COP1: variants seen among roughly 807,000 people sequenced by gnomAD.
The protein encoded by COP1 is E3 ubiquitin-protein ligase COP1.
COP1 carries 24 observed loss-of-function variants against 101.3 expected under a neutral mutation model. The ratio of observed to expected loss-of-function variants is 0.24; its 90% CI spans 0.17 to 0.33. The LOEUF (loss-of-function observed/expected upper bound fraction) is 0.33, where lower values mean the gene tolerates loss of function less well. Ranked by LOEUF, COP1 falls within the 10% of genes least tolerant of loss-of-function variation. COP1 has a pLI of 1.00. For synonymous variants in COP1, 347 were observed against 341.9 expected (o/e 1.01, Z -0.17); for missense variants, 663 against 906.2 (o/e 0.73, Z 3.45).
rs140271044 is a variant in COP1 at position 176,175,580 on chromosome 1, C to T, written c.565+330G>A. Among the ~76,000 whole-genome samples the T allele has an allele frequency of 3.4e-3, 514 of 152,312 alleles. 6 individuals are homozygous for T. The highest frequency in any genetic ancestry group is 0.029 in the Admixed American group (437 of 15,306). On this transcript the variant is annotated intron_variant, in intron 3 of 19. Transcript: ENST00000367669. ...GATCTGACAGGAGACAGAGCACAGG[C>T]AGTAGTGCTCGCTCACCTGCCAGCC...
Position 175,945,055 on chromosome 1 carries a change from G to A in COP1, c.*98C>T. ...CAAATCCAAAACCCATGATGACTTT[G>A]GGGAGAGACATCACATGACATTTTC... On this transcript the variant is annotated 3_prime_UTR_variant, in exon 20 of 20. Coordinates refer to ENST00000367669, the MANE Select transcript of COP1 (RefSeq NM_022457.7). 1.1e-6 allele frequency: 1 copy of A among 929,884 alleles called. No individual in the cohort carries two copies. The highest frequency in any genetic ancestry group is 2.2e-5 in the Admixed American group (1 of 45,262). 57.6% of individuals were successfully genotyped at this position (929,884 alleles called of 1,614,324 possible). A position where few individuals can be genotyped will look rare whatever the true frequency, so the allele number is the denominator to read the frequency against.
intron 11 of COP1, among the ~76,000 whole-genome samples, chr1:176,054,735 C>A (rs1334529651): frequency 2.0e-5 from 3 of 152,110 alleles, no homozygotes; most frequent in Admixed American, 2.0e-4. Flanking sequence ...TTCCATCTAT[C>A]CTGGATCTTT....
At chr1:176,134,020 A>G in intron 8 of COP1, 1 of 372,950 alleles carries the variant, frequency 2.7e-6, no homozygotes, top group Admixed American at 3.4e-5. Context: ...CGAACTCACA[A>G]GGATTCTCCA....
chr1:175,956,354 T>C (rs1187354818), intron 18 of COP1, among the ~76,000 whole-genome samples: 1 of 152,096 alleles, frequency 6.6e-6, no homozygotes, highest in Non-Finnish European at 1.5e-5. Context: ...CCTTCTATCA[T>C]ACCATTCCCA....
At chr1:176,006,143 C>T (rs1241642252) in intron 15 of COP1, among the ~76,000 whole-genome samples, 3 of 152,122 alleles carry the variant, frequency 2.0e-5, no homozygotes, top group African/African-American at 7.2e-5. Flanking sequence ...GGTTTAAAGT[C>T]TGTTTTATCA....
intron 14 of COP1, among the ~76,000 whole-genome samples, chr1:176,028,800 C>CTGGAG (rs1344229723): frequency 6.7e-6 from 1 of 148,700 alleles, no homozygotes; most frequent in East Asian, 2.0e-4. Context: ...GTCATTCAGG[C>CTGGAG]TGGAGTGCAG....
chr1:176,047,536 T>C (rs1287298395), intron 11 of COP1, among the ~76,000 whole-genome samples: 1 of 151,418 alleles, frequency 6.6e-6, no homozygotes, highest in Non-Finnish European at 1.5e-5. Flanking sequence ...GCTAAAGGTT[T>C]AAAGGTTTAA....
intron 14 of COP1, among the ~76,000 whole-genome samples, chr1:176,038,509 C>T (rs1406056234): frequency 6.6e-6 from 1 of 152,096 alleles, no homozygotes; most frequent in Non-Finnish European, 1.5e-5. Flanking sequence ...CAAATCAAGA[C>T]AACATGGTAC....
At chr1:176,006,543 G>C (rs904063207) in intron 15 of COP1, among the ~76,000 whole-genome samples, 14 of 152,136 alleles carry the variant, frequency 9.2e-5, no homozygotes, top group African/African-American at 2.4e-4. Flanking sequence ...GGGCAGGCCT[G>C]GTGGTGACAA....
intron 18 of COP1, among the ~76,000 whole-genome samples, chr1:175,972,338 C>T (rs1047109201): frequency 6.0e-4 from 91 of 152,146 alleles, no homozygotes; most frequent in African/African-American, 2.1e-3. Context: ...AAAACCAAGA[C>T]GTATTTTTCT....
intron 15 of COP1, among the ~76,000 whole-genome samples, chr1:176,017,976 G>A (rs1406888164): frequency 6.6e-6 from 1 of 152,120 alleles, no homozygotes; most frequent in Non-Finnish European, 1.5e-5. Context: ...AAACACACAT[G>A]GAATACTTTA....
intron 15 of COP1, among the ~76,000 whole-genome samples, chr1:176,007,970 A>T (rs963106794): frequency 3.9e-5 from 6 of 152,010 alleles, no homozygotes; most frequent in Non-Finnish European, 1.5e-5. Flanking sequence ...GTTTGATCTC[A>T]GACTGCTCTG....
intron 1 of COP1, among the ~76,000 whole-genome samples, chr1:176,187,887 C>T (rs1043584010): frequency 6.6e-6 from 1 of 152,078 alleles, no homozygotes; most frequent in Non-Finnish European, 1.5e-5. Context: ...ATGTTGAAAT[C>T]TTAACCCCCA....
At chr1:175,989,339 C>T in intron 16 of COP1, 23 bp downstream of exon 16, 3 of 1,235,034 alleles carry the variant, frequency 2.4e-6, no homozygotes, top group Non-Finnish European at 3.6e-6. Flanking sequence ...TTAAGCTCAA[C>T]CTCTGAGGAG....
At chr1:176,186,727 T>G (rs1236757077) in intron 1 of COP1, among the ~76,000 whole-genome samples, 1 of 152,144 alleles carries the variant, frequency 6.6e-6, no homozygotes, top group East Asian at 1.9e-4. Flanking sequence ...GGAAGCCAAG[T>G]GTAGAAATGG....
intron 8 of COP1, 38 bp from the exon 9 acceptor site, chr1:176,116,719 T>C: frequency 7.1e-7 from 1 of 1,403,318 alleles, no homozygotes; most frequent in Non-Finnish European, 1.0e-6. Context: ...TTTCAGTATT[T>C]ACATTATTTT....
chr1:176,163,084 T>C, intron 4 of COP1, 96 bp from the exon 5 acceptor site: 1 of 1,207,184 alleles, frequency 8.3e-7, no homozygotes. Context: ...ATATGCTCAT[T>C]ACATAGATAT....
intron 18 of COP1, among the ~76,000 whole-genome samples, chr1:175,950,996 A>G (rs1176172066): frequency 6.6e-6 from 1 of 152,244 alleles, no homozygotes; most frequent in African/African-American, 2.4e-5. Flanking sequence ...CTGTAATCCC[A>G]GCACTTTGGG....
intron 3 of COP1, among the ~76,000 whole-genome samples, chr1:176,168,303 C>T (rs1021925390): frequency 6.6e-6 from 1 of 151,396 alleles, no homozygotes; most frequent in Non-Finnish European, 1.5e-5. Context: ...GTGATCCGCC[C>T]GTGTCAGACT....
Sources: allele counts gnomAD v4.1 joint callset (sites outside exome capture counted in the v4.1 genomes callset), GRCh38; gene constraint gnomAD v4.1.1; transcripts MANE v1.5; gene names NCBI Gene and HGNC (gene_info 2026-07-23, HGNC 2026-07-21).